The following TUNAR variants were observed in gnomAD, a reference collection of about 807,000 sequenced individuals.
TUNAR encodes the protein protein TUNAR.
chr14:95,905,327 A>G (rs1281487119), intron 2 of TUNAR, among the ~76,000 whole-genome samples: 3 of 152,166 alleles, frequency 2.0e-5, no homozygotes, highest in African/African-American at 7.2e-5. Context: ...CAGATCCCAC[A>G]CTGCTCAGTT....
intron 2 of TUNAR, among the ~76,000 whole-genome samples, chr14:95,881,540 A>G (rs1288233049): frequency 6.6e-6 from 1 of 152,226 alleles, no homozygotes; most frequent in Non-Finnish European, 1.5e-5. Context: ...CAAACAACAG[A>G]CTAGAGAAGG....
Position 95,921,868 on chromosome 14 carries a change from C to T in TUNAR, c.13-913C>T, listed in dbSNP as rs540627039. Among the ~76,000 whole-genome samples the T allele has an allele frequency of 6.6e-5, 10 of 152,302 alleles. No homozygotes were observed. In the South Asian group the frequency reaches 1.0e-3, roughly 16 times the overall value. ...TTGTCTGCCATGTGCTCTTTCCCTC[C>T]GCTAAGTGTCTGGGCTTTGTTCTTC... On this transcript the variant is annotated intron_variant, in intron 2 of 2. Transcript: ENST00000678517.
intron 2 of TUNAR, among the ~76,000 whole-genome samples, chr14:95,904,792 C>G (rs1166568241): frequency 2.6e-5 from 4 of 152,214 alleles, no homozygotes; most frequent in Admixed American, 2.6e-4. Flanking sequence ...GAGGGGCTGC[C>G]CGGGCTGGGT....
At chr14:95,923,437 T>G (rs1379239807) in exon 3 of TUNAR, 2 of 153,262 alleles carry the variant, frequency 1.3e-5, no homozygotes, top group African/African-American at 4.8e-5. Context: ...GGCATCCCAT[T>G]CATCAAAAGT....
chr14:95,879,575 A>G (rs867414514), intron 2 of TUNAR, among the ~76,000 whole-genome samples: 2 of 152,182 alleles, frequency 1.3e-5, no homozygotes, highest in Non-Finnish European at 2.9e-5. Flanking sequence ...ATCACAAAAC[A>G]TTACTCTTGT....
intron 2 of TUNAR, among the ~76,000 whole-genome samples, chr14:95,882,781 C>T (rs72700923): frequency 0.049 from 7,509 of 152,258 alleles, 187 homozygotes; most frequent in Middle Eastern, 0.058. Context: ...ATTTCTCCGC[C>T]TCTATCTGCT....
chr14:95,900,336 G>A (rs1165320738), intron 2 of TUNAR, among the ~76,000 whole-genome samples: 14 of 152,216 alleles, frequency 9.2e-5, no homozygotes, highest in Admixed American at 9.2e-4. Context: ...GGGGAAAGGA[G>A]CGATGAATTG....
intron 2 of TUNAR, among the ~76,000 whole-genome samples, chr14:95,904,830 C>T (rs559166614): frequency 6.6e-6 from 1 of 152,330 alleles, no homozygotes; most frequent in Non-Finnish European, 1.5e-5. Flanking sequence ...TTTATATCCT[C>T]TTCCCCTCAG....
At chr14:95,888,022 T>TG (rs1889105867) in intron 2 of TUNAR, among the ~76,000 whole-genome samples, 1 of 152,220 alleles carries the variant, frequency 6.6e-6, no homozygotes, top group African/African-American at 2.4e-5. Context: ...ACAGTCACTT[T>TG]GGGGGACATG....
intron 2 of TUNAR, among the ~76,000 whole-genome samples, chr14:95,915,705 A>G (rs1889593422): frequency 6.6e-6 from 1 of 152,270 alleles, no homozygotes; most frequent in South Asian, 2.1e-4. Flanking sequence ...CTCTAGGCCC[A>G]GGCCACACAC....
intron 2 of TUNAR, among the ~76,000 whole-genome samples, chr14:95,905,060 A>G (rs1356720394): frequency 6.6e-6 from 1 of 152,214 alleles, no homozygotes; most frequent in Non-Finnish European, 1.5e-5. Flanking sequence ...GGGACTTAGC[A>G]AAGGCCCTGG....
intron 2 of TUNAR, among the ~76,000 whole-genome samples, chr14:95,880,979 G>T (rs893219401): frequency 1.3e-5 from 2 of 152,120 alleles, no homozygotes; most frequent in Non-Finnish European, 2.9e-5. Flanking sequence ...AATAATTATC[G>T]AATGGCAGAA....
intron 2 of TUNAR, among the ~76,000 whole-genome samples, chr14:95,905,850 G>T (rs978359275): frequency 2.6e-5 from 4 of 152,260 alleles, no homozygotes; most frequent in African/African-American, 9.6e-5. Flanking sequence ...CTGTAAGAAA[G>T]AATTGGTCTT....
intron 2 of TUNAR, among the ~76,000 whole-genome samples, chr14:95,916,255 A>G (rs1044225391): frequency 6.6e-6 from 1 of 152,200 alleles, no homozygotes; most frequent in Non-Finnish European, 1.5e-5. Context: ...GGGAACCACT[A>G]CGTCGGCTTT....
intron 2 of TUNAR, among the ~76,000 whole-genome samples, chr14:95,914,588 T>C (rs769200287): frequency 1.3e-4 from 20 of 152,112 alleles, no homozygotes; most frequent in Non-Finnish European, 2.6e-4. Context: ...AGTGGCTATG[T>C]GGACAAGTAG....
At chr14:95,911,796 A>G (rs1333304080) in intron 2 of TUNAR, among the ~76,000 whole-genome samples, 2 of 152,230 alleles carry the variant, frequency 1.3e-5, no homozygotes, top group African/African-American at 2.4e-5. Context: ...ACCTTTTAGC[A>G]CATCAGGGAG....
chr14:95,922,416 G>T (rs1438897209), intron 2 of TUNAR, among the ~76,000 whole-genome samples: 1 of 152,200 alleles, frequency 6.6e-6, no homozygotes, highest in South Asian at 2.1e-4. Context: ...GTGAGAGTAT[G>T]TGAAATTCCC....
At chr14:95,909,032 C>T (rs1488160479) in intron 2 of TUNAR, among the ~76,000 whole-genome samples, 1 of 152,174 alleles carries the variant, frequency 6.6e-6, no homozygotes. Flanking sequence ...CTCAGAGATA[C>T]CTGATGACTT....
At chr14:95,885,860 A>G (rs1889067967) in intron 2 of TUNAR, among the ~76,000 whole-genome samples, 1 of 152,146 alleles carries the variant, frequency 6.6e-6, no homozygotes, top group Admixed American at 6.5e-5. Flanking sequence ...TGTGGGAATG[A>G]GCATGGTTGT....
Sources: gnomAD v4.1 joint callset for allele counts (sites outside exome capture counted in the v4.1 genomes callset) on GRCh38, gnomAD v4.1.1 for gene constraint, MANE v1.5 for transcripts, NCBI Gene and HGNC (gene_info 2026-07-23, HGNC 2026-07-21) for gene names.